GRHL2: variants seen among roughly 807,000 people sequenced by gnomAD.
GRHL2 encodes the protein grainyhead-like protein 2 homolog.
Under a neutral mutation model 83.8 loss-of-function variants are expected in GRHL2, and 21 were observed. The ratio of observed to expected loss-of-function variants is 0.25; its 90% confidence interval spans 0.18 to 0.36. GRHL2 has a LOEUF of 0.36. GRHL2 is among the 10% of genes least tolerant of loss of function. The probability of loss-of-function intolerance (pLI) is 1.00; values close to 1 mark genes in which losing one functional copy is unlikely to be tolerated. For synonymous variants in GRHL2, 280 were observed against 278.9 expected (o/e 1.00, Z -0.04); for missense variants, 623 against 781.8 (o/e 0.80, Z 2.42).
chr8:101,680,040 T>G, the GRHL2 span, among the ~76,000 whole-genome samples: 1 of 94,318 alleles, frequency 1.1e-5, no homozygotes, highest in South Asian at 4.6e-4. Flanking sequence ...TAACCAGCTA[T>G]CATCATAATG....
intron 7 of GRHL2, among the ~76,000 whole-genome samples, chr8:101,580,119 G>T (rs1476552348): frequency 6.6e-6 from 1 of 152,106 alleles, no homozygotes; most frequent in Non-Finnish European, 1.5e-5. Flanking sequence ...CCTGAGGCTG[G>T]AGTTAGAGAC....
intron 13 of GRHL2, among the ~76,000 whole-genome samples, chr8:101,647,516 G>A (rs568456097): frequency 6.6e-6 from 1 of 152,170 alleles, no homozygotes; most frequent in East Asian, 1.9e-4. Flanking sequence ...ATGTAACTAA[G>A]GTCCTGTATT....
At chr8:101,679,496 ACT>A in the GRHL2 span, among the ~76,000 whole-genome samples, 25 of 149,324 alleles carry the variant, frequency 1.7e-4, 1 homozygote, top group African/African-American at 6.2e-4. Flanking sequence ...GTTGGAAAAC[ACT>A]CTGCAGGATA....
At chr8:101,632,495 G>A (rs1586158654) in intron 11 of GRHL2, 130 bp downstream of exon 11, 1 of 1,102,630 alleles carries the variant, frequency 9.1e-7, no homozygotes, top group Non-Finnish European at 1.4e-6. Context: ...AAAAGTCAAT[G>A]TCATTCCCTA....
intron 1 of GRHL2, among the ~76,000 whole-genome samples, chr8:101,500,227 A>G (rs760764449): frequency 1.3e-5 from 2 of 152,248 alleles, no homozygotes; most frequent in African/African-American, 2.4e-5. Flanking sequence ...CAGGCTGGAT[A>G]GGAATTTTTG....
chr8:101,626,040 C>T (rs1479505113), intron 9 of GRHL2, among the ~76,000 whole-genome samples: 2 of 151,962 alleles, frequency 1.3e-5, no homozygotes, highest in Admixed American at 6.6e-5. Flanking sequence ...TTTCAAAATC[C>T]AGGTAAAACT....
chr8:101,671,848 G>T (rs1427139230), downstream of GRHL2, among the ~76,000 whole-genome samples: 3 of 152,178 alleles, frequency 2.0e-5, no homozygotes, highest in Admixed American at 6.5e-5. Flanking sequence ...ACTTTCAGAG[G>T]AACGATCACG....
rs1465115535 is a variant in GRHL2 at position 101,664,633 on chromosome 8, T to G, written c.1763+115T>G. The G allele has an allele frequency of 6.5e-6, 5 of 765,894 alleles. No homozygotes were observed. The Admixed American group carries it at 1.0e-4, about 15-fold the overall frequency. 47.4% of individuals were successfully genotyped at this position (765,894 alleles called of 1,614,324 possible). On this transcript the variant is annotated intron_variant, in intron 15 of 15. Coordinates refer to ENST00000646743, the MANE Select transcript of GRHL2 (RefSeq NM_024915.4). ...GTCTGTTGCCCACTTTTCATAAAAA[T>G]TGTGTCCTTCTTCCAGAGAATTGCA... is the stretch of plus-strand genomic sequence containing the variant.
At chr8:101,673,121 G>A (rs1386748426), downstream of GRHL2, among the ~76,000 whole-genome samples, 2 of 148,344 alleles carry the variant, frequency 1.3e-5, no homozygotes, top group Admixed American at 6.8e-5. Context: ...AAAGACCATC[G>A]AGACTAGGAA....
chr8:101,603,073 T>A (rs1812551376), intron 8 of GRHL2, among the ~76,000 whole-genome samples: 1 of 149,900 alleles, frequency 6.7e-6, no homozygotes, highest in Admixed American at 6.6e-5. Context: ...TCAAGATGTT[T>A]AAAAAAAAAA....
chr8:101,573,449 C>T (rs912731447), intron 5 of GRHL2, among the ~76,000 whole-genome samples: 3 of 152,164 alleles, frequency 2.0e-5, no homozygotes, highest in African/African-American at 4.8e-5. Flanking sequence ...TATCCCCTTC[C>T]AAACCATCTG....
In GRHL2 at chr8:101,558,694, T is replaced by G; in HGVS notation, c.560T>G (p.Phe187Cys). The change falls in exon 4 of 16, where the codon TTT (phenylalanine) becomes TGT (cysteine). Residue 187 changes from phenylalanine to cysteine, a missense_variant. This residue lies in a region of GRHL2 where 239 missense variants were observed against 240.5 expected (regional missense o/e 0.99). Transcript: ENST00000646743. ...GDGEEQRVVI[F>C]EQTQYDVPSL... ...GGGGAAGAGCAACGAGTGGTTATCT[T>G]TGAACAGACTCAGTATGACGTGCCC... The G allele has an allele frequency of 1.9e-6, 3 of 1,614,106 alleles. No homozygotes were observed. Among genetic ancestry groups the G allele is most frequent in the Non-Finnish European group, 2.5e-6 (3 of 1,180,010 alleles).
At chr8:101,643,816 G>C (rs1323579814) in intron 12 of GRHL2, among the ~76,000 whole-genome samples, 1 of 152,242 alleles carries the variant, frequency 6.6e-6, no homozygotes, top group Non-Finnish European at 1.5e-5. Context: ...CCCCAGCCCC[G>C]ATCTTGAGCA....
chr8:101,599,828 C>T (rs1022789793), intron 8 of GRHL2, among the ~76,000 whole-genome samples: 73 of 152,286 alleles, frequency 4.8e-4, no homozygotes, highest in Admixed American at 5.9e-4. Context: ...TTTCCAGCCA[C>T]GAGTCTCTTT....
At chr8:101,505,994 C>A (rs924789822) in intron 1 of GRHL2, among the ~76,000 whole-genome samples, 1 of 152,186 alleles carries the variant, frequency 6.6e-6, no homozygotes, top group Non-Finnish European at 1.5e-5. Context: ...CTATTTAGAG[C>A]TTTCAGGGCT....
rs1029305594 is a variant in GRHL2, at chr8:101,547,902, G to A, written c.216+4466G>A. ...ACCAGTAATAGCTCCACAGTTGTGC[G>A]ACCTTTCCATGAATTTCAGGCATGA... On this transcript the variant is annotated intron_variant, in intron 2 of 15. Transcript: ENST00000646743. Among the ~76,000 whole-genome samples, 11 of 152,288 alleles carry A rather than the reference G, an allele frequency of 7.2e-5. No homozygotes were observed. The South Asian group carries it at 1.2e-3, about 17-fold the overall frequency.
chr8:101,605,923 A>T (rs1444727255), intron 8 of GRHL2, among the ~76,000 whole-genome samples: 1 of 152,184 alleles, frequency 6.6e-6, no homozygotes, highest in Non-Finnish European at 1.5e-5. Flanking sequence ...TTTCCCTGGC[A>T]TCCTGAATTT....
intron 7 of GRHL2, among the ~76,000 whole-genome samples, chr8:101,598,106 T>C (rs115323967): frequency 0.014 from 2,173 of 152,266 alleles, 44 homozygotes; most frequent in African/African-American, 0.05. Context: ...AACACATTTA[T>C]AGCTATTGCA....
At position 101,644,141 on chromosome 8, in the gene GRHL2, C is replaced by G; in HGVS notation, c.1528C>G (p.Leu510Val). ...TDDEREGGSV[L>V]VKRMFRPMEE... ...GCTTATCTTTTCTAGTGGCAGTGTC[C>G]TTGTTAAACGGATGTTCCGGCCCAT... Residue 510 changes from leucine to valine, a missense_variant, in exon 13 of 16, where the codon CTT becomes GTT. Leu to Val is a conservative substitution (Grantham distance 32). This residue lies in a region of GRHL2 where 210 missense variants were observed against 254.8 expected (regional missense o/e 0.82). Coordinates refer to ENST00000646743, the MANE Select transcript of GRHL2 (RefSeq NM_024915.4). The G allele has an allele frequency of 6.2e-7, 1 of 1,614,066 alleles. No individual in the cohort carries two copies. Among genetic ancestry groups the G allele is most frequent in the East Asian group, 2.2e-5 (1 of 44,872 alleles).
Sources: allele counts gnomAD v4.1 joint callset (sites outside exome capture counted in the v4.1 genomes callset), GRCh38; gene constraint gnomAD v4.1.1; regional missense constraint gnomAD v4.1.1; transcripts MANE v1.5; gene names NCBI Gene and HGNC (gene_info 2026-07-23, HGNC 2026-07-21).